FANCC: variants seen among roughly 807,000 people sequenced by gnomAD.
The protein encoded by FANCC is FA complementation group C.
A neutral mutation model predicts 71.3 loss-of-function variants in FANCC; 55 were observed. The observed-to-expected ratio is 0.77, with a 90% CI of 0.62 to 0.97. The LOEUF (loss-of-function observed/expected upper bound fraction) is 0.97, where lower values mean the gene tolerates loss of function less well. Ranked by LOEUF, FANCC falls within the 50% of genes least tolerant of loss-of-function variation. The pLI is 0.00. For synonymous variants in FANCC, 275 were observed against 244.9 expected, an observed-to-expected ratio of 1.12 and a Z score of -1.15; for missense variants, 678 against 670.9, an observed-to-expected ratio of 1.01 and a Z score of -0.12.
At chr9:95,177,730 C>G (rs1826104419) in intron 4 of FANCC, among the ~76,000 whole-genome samples, 1 of 152,122 alleles carries the variant, frequency 6.6e-6, no homozygotes, top group African/African-American at 2.4e-5. Flanking sequence ...AGACACTTGT[C>G]CTGGTCACTT....
chr9:95,282,853 A>C (rs1275469092), intron 1 of FANCC, among the ~76,000 whole-genome samples: 1 of 152,222 alleles, frequency 6.6e-6, no homozygotes, highest in African/African-American at 2.4e-5. Flanking sequence ...AATAAATTTA[A>C]AGAGAAATTT....
At chr9:95,242,502 A>C (rs985011939) in intron 3 of FANCC, among the ~76,000 whole-genome samples, 3 of 150,446 alleles carry the variant, frequency 2.0e-5, no homozygotes, top group Admixed American at 6.6e-5. Flanking sequence ...AAAAAAAAAG[A>C]AAGGAAATGT....
At chr9:95,151,670 G>A (rs1188407192) in intron 6 of FANCC, among the ~76,000 whole-genome samples, 3 of 152,132 alleles carry the variant, frequency 2.0e-5, no homozygotes, top group Non-Finnish European at 4.4e-5. Flanking sequence ...GCTCACACAT[G>A]GAGACCCAGC....
intron 1 of FANCC, among the ~76,000 whole-genome samples, chr9:95,277,741 G>C (rs1833130941): frequency 6.6e-6 from 1 of 152,040 alleles, no homozygotes; most frequent in South Asian, 2.1e-4. Context: ...AGAAACAAAA[G>C]ATCCCAGAAA....
intron 1 of FANCC, among the ~76,000 whole-genome samples, chr9:95,284,877 T>TACACACACAC (rs71366285): frequency 3.4e-5 from 5 of 147,570 alleles, no homozygotes; most frequent in Admixed American, 2.7e-4. Context: ...CACACACACA[T>TACACACACAC]ACACACACAC....
At chr9:95,245,337 A>C (rs1197484533) in intron 3 of FANCC, among the ~76,000 whole-genome samples, 1 of 152,102 alleles carries the variant, frequency 6.6e-6, no homozygotes. Context: ...TGGACTGCAC[A>C]GAATAATAAT....
chr9:95,237,211 T>C (rs1830370124), intron 4 of FANCC, among the ~76,000 whole-genome samples: 1 of 152,230 alleles, frequency 6.6e-6, no homozygotes, highest in African/African-American at 2.4e-5. Context: ...CAACCTCGCA[T>C]ATCCTCACCT....
rs570048640 is a variant in FANCC, at chr9:95,230,285, T to C, written c.345+10364A>G. Among the ~76,000 whole-genome samples the C allele has an allele frequency of 3.0e-4, 45 of 152,304 alleles. No individual in the cohort carries two copies. In the Middle Eastern group the frequency reaches 0.014, roughly 46 times the overall value. On this transcript the variant is annotated intron_variant, in intron 4 of 14. Transcript: ENST00000289081. ...TCACACCACCACCTGGAGTGCAATC[T>C]AACTGTTCCTCATACCAGTGAGTGG...
At position 95,100,487 on chromosome 9, in the gene FANCC, T is replaced by C. The variant is rs949123682; in HGVS notation, c.*1220A>G. On this transcript the variant is annotated 3_prime_UTR_variant, in exon 15 of 15. Coordinates refer to ENST00000289081, the MANE Select transcript of FANCC (RefSeq NM_000136.3). The stretch of plus-strand genomic sequence containing the variant: ...CAAGACTCAGACTAATACACACAAA[T>C]CAAAATGGACAAAAGCAAGTCTTGA... The C allele has an allele frequency of 8.2e-5, 19 of 231,546 alleles. No individual in the cohort carries two copies. The highest frequency in any genetic ancestry group is 3.8e-4 in the African/African-American group (17 of 45,156). The allele number at this position is 231,546 out of a possible 1,614,324, so 14.3% of individuals were successfully genotyped here. A position where few individuals can be genotyped will look rare whatever the true frequency, so the allele number is the denominator to read the frequency against.
At chr9:95,121,213 G>A (rs977617308) in intron 10 of FANCC, among the ~76,000 whole-genome samples, 1 of 152,222 alleles carries the variant, frequency 6.6e-6, no homozygotes, top group African/African-American at 2.4e-5. Flanking sequence ...CTGACTGGCT[G>A]TACTGAGCCA....
intron 1 of FANCC, among the ~76,000 whole-genome samples, chr9:95,299,542 A>G (rs1190107781): frequency 6.6e-6 from 1 of 152,186 alleles, no homozygotes; most frequent in Non-Finnish European, 1.5e-5. Context: ...CTGTCAAATA[A>G]AAGTTACTAA....
chr9:95,110,893 C>T (rs1339449226), intron 13 of FANCC: 3 of 1,266,414 alleles, frequency 2.4e-6, no homozygotes, highest in Admixed American at 7.1e-5. Context: ...CAGTCCCATA[C>T]TTAGCTGCTC....
chr9:95,151,409 C>T (rs530245241), intron 6 of FANCC, among the ~76,000 whole-genome samples: 7 of 152,284 alleles, frequency 4.6e-5, no homozygotes, highest in African/African-American at 1.7e-4. Context: ...GAAATTTAGT[C>T]TTGTGTTTTG....
At chr9:95,240,851 A>G (rs1349679704) in intron 3 of FANCC, 108 bp from the exon 4 acceptor site, 1 of 711,808 alleles carries the variant, frequency 1.4e-6, no homozygotes, top group East Asian at 2.7e-5. Context: ...AGTTCACAGA[A>G]CAAGTATCCC....
chr9:95,181,661 G>T (rs1286723237), intron 4 of FANCC, among the ~76,000 whole-genome samples: 2 of 152,124 alleles, frequency 1.3e-5, no homozygotes, highest in African/African-American at 4.8e-5. Context: ...GGATATAAAT[G>T]AACAGGTTCA....
chr9:95,175,999 C>A (rs189320616), intron 4 of FANCC, among the ~76,000 whole-genome samples: 2 of 152,348 alleles, frequency 1.3e-5, no homozygotes, highest in Admixed American at 1.3e-4. Flanking sequence ...CAGAAGAATG[C>A]AACCTTCTGC....
At chr9:95,201,568 C>A (rs1462510157) in intron 4 of FANCC, among the ~76,000 whole-genome samples, 1 of 152,074 alleles carries the variant, frequency 6.6e-6, no homozygotes, top group East Asian at 1.9e-4. Context: ...TCAAAGCAAT[C>A]CACTAACAAA....
chr9:95,217,707 C>A (rs975050535), intron 4 of FANCC, among the ~76,000 whole-genome samples: 4 of 151,796 alleles, frequency 2.6e-5, no homozygotes, highest in Admixed American at 6.6e-5. Flanking sequence ...AGCTTAAGAG[C>A]TAGGGTAAGA....
At chr9:95,313,012 G>A (rs1835502693) in intron 1 of FANCC, among the ~76,000 whole-genome samples, 1 of 152,232 alleles carries the variant, frequency 6.6e-6, no homozygotes, top group African/African-American at 2.4e-5. Flanking sequence ...TCGCCTGAGG[G>A]GGATGCTGAG....
Sources: allele counts gnomAD v4.1 joint callset (sites outside exome capture counted in the v4.1 genomes callset), GRCh38; gene constraint gnomAD v4.1.1; transcripts MANE v1.5; gene names NCBI Gene and HGNC (gene_info 2026-07-23, HGNC 2026-07-21).